The following CAMK1D variants were observed in gnomAD, a reference collection of about 807,000 sequenced individuals.
The protein encoded by CAMK1D is calcium/calmodulin dependent protein kinase ID.
In CAMK1D, 9 loss-of-function variants were observed where a neutral mutation model predicts 47.7. The ratio of observed to expected loss-of-function variants is 0.19; its 90% CI spans 0.11 to 0.33. The LOEUF is 0.33. CAMK1D is among the 10% of genes least tolerant of loss of function. CAMK1D has a pLI of 1.00. For synonymous variants in CAMK1D, 184 were observed against 184.9 expected, an observed-to-expected ratio of 0.99 and a Z score of 0.04; for missense variants, 291 against 488.7, an observed-to-expected ratio of 0.60 and a Z score of 3.81.
chr10:12,486,104 A>T (rs1372072179), intron 1 of CAMK1D, among the ~76,000 whole-genome samples: 2 of 151,888 alleles, frequency 1.3e-5, no homozygotes, highest in African/African-American at 4.8e-5. Context: ...GCACCCATGC[A>T]GTGCACACAC....
At position 12,448,215 on chromosome 10, in the gene CAMK1D, T is replaced by C. The variant is rs566041214; in HGVS notation, c.92+98305T>C. On this transcript the variant is annotated intron_variant, in intron 1 of 10. Transcript: ENST00000619168. ...TACTTATTTTTATTTATTTATTTTT[T>C]TGTTTCTCTATATTGCCCAGGCTGA... 1.5e-4 allele frequency among the ~76,000 whole-genome samples: 22 copies of C among 151,612 alleles called. No individual in the cohort carries two copies. In the East Asian group the frequency reaches 3.9e-3, roughly 27 times the overall value.
chr10:12,424,427 G>T (rs2131974715), intron 1 of CAMK1D, among the ~76,000 whole-genome samples: 1 of 152,034 alleles, frequency 6.6e-6, no homozygotes, highest in South Asian at 2.1e-4. Flanking sequence ...CAGTTTCTCA[G>T]ATTTCAATTT....
chr10:12,708,892 G>A (rs995512709), intron 3 of CAMK1D, among the ~76,000 whole-genome samples: 1 of 152,234 alleles, frequency 6.6e-6, no homozygotes, highest in Non-Finnish European at 1.5e-5. Flanking sequence ...CACTTTGAGA[G>A]GCCGAGGCAG....
chr10:12,388,388 C>G (rs902859112), intron 1 of CAMK1D, among the ~76,000 whole-genome samples: 3 of 152,166 alleles, frequency 2.0e-5, no homozygotes, highest in Non-Finnish European at 1.5e-5. Flanking sequence ...AGTTTTCTTG[C>G]TTTCAGCTTT....
chr10:12,444,300 T>C (rs540028262), intron 1 of CAMK1D, among the ~76,000 whole-genome samples: 1 of 152,358 alleles, frequency 6.6e-6, no homozygotes, highest in South Asian at 2.1e-4. Context: ...ATGGAGTTGC[T>C]CTGGTTCAAA....
intron 3 of CAMK1D, among the ~76,000 whole-genome samples, chr10:12,735,967 T>A (rs1835168026): frequency 6.6e-6 from 1 of 152,218 alleles, no homozygotes; most frequent in South Asian, 2.1e-4. Flanking sequence ...AACATAGCAC[T>A]GAGCCAGTGA....
At chr10:12,776,416 C>T (rs1837248898) in intron 5 of CAMK1D, among the ~76,000 whole-genome samples, 1 of 152,110 alleles carries the variant, frequency 6.6e-6, no homozygotes, top group African/African-American at 2.4e-5. Flanking sequence ...GGAACATGAC[C>T]CTGGAACTAT....
chr10:12,440,204 A>T (rs529575868), intron 1 of CAMK1D, among the ~76,000 whole-genome samples: 7 of 152,164 alleles, frequency 4.6e-5, no homozygotes, highest in Admixed American at 3.3e-4. Context: ...AACTCTTCAT[A>T]AAAGTCTTAC....
chr10:12,590,170 G>C (rs1228812413), intron 2 of CAMK1D, among the ~76,000 whole-genome samples: 3 of 152,094 alleles, frequency 2.0e-5, no homozygotes, highest in Non-Finnish European at 4.4e-5. Context: ...TTAATGATAT[G>C]CATATCTTTA....
chr10:12,489,594 G>C (rs1834319067), intron 1 of CAMK1D, among the ~76,000 whole-genome samples: 1 of 152,170 alleles, frequency 6.6e-6, no homozygotes, highest in East Asian at 1.9e-4. Context: ...AATACAGATG[G>C]AGCTTCGCTC....
chr10:12,488,893 C>T (rs1050002309), intron 1 of CAMK1D, among the ~76,000 whole-genome samples: 23 of 152,278 alleles, frequency 1.5e-4, no homozygotes, highest in Middle Eastern at 3.4e-3. Flanking sequence ...GATGAGGTTT[C>T]GCTCACTTGC....
chr10:12,408,323 G>A (rs1839523936), intron 1 of CAMK1D, among the ~76,000 whole-genome samples: 1 of 151,704 alleles, frequency 6.6e-6, no homozygotes, highest in African/African-American at 2.4e-5. Context: ...TACCTCGCCC[G>A]GCTAATTTTT....
chr10:12,795,674 G>C (rs1014813176), intron 6 of CAMK1D, among the ~76,000 whole-genome samples: 8 of 152,320 alleles, frequency 5.3e-5, no homozygotes, highest in South Asian at 2.1e-4. Flanking sequence ...CCTCTTGCAC[G>C]CCATATAAAC....
At chr10:12,687,138 A>G (rs558921761) in intron 3 of CAMK1D, among the ~76,000 whole-genome samples, 2 of 152,040 alleles carry the variant, frequency 1.3e-5, no homozygotes, top group South Asian at 4.2e-4. Context: ...GAAGTGGTCC[A>G]CTCTCAGAAC....
intron 2 of CAMK1D, among the ~76,000 whole-genome samples, chr10:12,654,841 T>G (rs1840073939): frequency 6.6e-6 from 1 of 152,212 alleles, no homozygotes; most frequent in Non-Finnish European, 1.5e-5. Context: ...TGACCTAAGA[T>G]TCTCAGTAAT....
At chr10:12,598,296 A>G (rs546009073) in intron 2 of CAMK1D, among the ~76,000 whole-genome samples, 2 of 152,324 alleles carry the variant, frequency 1.3e-5, no homozygotes, top group African/African-American at 4.8e-5. Flanking sequence ...AGAGCGTGCG[A>G]TTAGGTGTGG....
intron 3 of CAMK1D, among the ~76,000 whole-genome samples, chr10:12,744,734 A>G (rs1040901067): frequency 7.2e-6 from 1 of 139,468 alleles, no homozygotes; most frequent in Admixed American, 6.7e-5. Context: ...CTACAAAAAT[A>G]AAAATTAAAA....
At chr10:12,416,140 T>C (rs934273243) in intron 1 of CAMK1D, 2 of 152,228 alleles carry the variant, frequency 1.3e-5, no homozygotes, top group African/African-American at 4.8e-5. Flanking sequence ...AATTCACTTT[T>C]TGGATATTAT....
At chr10:12,415,048 T>C (rs1036389273) in intron 1 of CAMK1D, among the ~76,000 whole-genome samples, 1 of 152,144 alleles carries the variant, frequency 6.6e-6, no homozygotes, top group African/African-American at 2.4e-5. Flanking sequence ...TACCTTCCCA[T>C]GTTTATAGAT....
Sources: gnomAD v4.1 joint callset for allele counts (sites outside exome capture counted in the v4.1 genomes callset) on GRCh38, gnomAD v4.1.1 for gene constraint, MANE v1.5 for transcripts, NCBI Gene and HGNC (gene_info 2026-07-23, HGNC 2026-07-21) for gene names.